Variants in GGCX observed in about 807,000 individuals in gnomAD.
The protein encoded by GGCX is gamma-glutamyl carboxylase, also known as vitamin K-dependent gamma-carboxylase.
A neutral mutation model predicts 88.5 loss-of-function variants in GGCX; 63 were observed. The observed-to-expected ratio is 0.71, with a 90% confidence interval of 0.58 to 0.88. GGCX has a LOEUF of 0.88. Ranked by LOEUF, GGCX falls within the 40% of genes least tolerant of loss-of-function variation. The probability of loss-of-function intolerance (pLI) is 0.00; values close to 1 mark genes in which losing one functional copy is unlikely to be tolerated. For missense variants in GGCX, 805 were observed against 932.9 expected, an observed-to-expected ratio of 0.86 and a Z score of 1.79; for synonymous variants, 368 against 365.8, an observed-to-expected ratio of 1.01 and a Z score of -0.07.
In GGCX at chr2:85,554,571, T is replaced by TC. The variant is rs1692124019; in HGVS notation, c.726-266dup. The TC allele has an allele frequency of 1.8e-5, 9 of 496,020 alleles. No homozygotes were observed. The South Asian group carries it at 1.9e-4, about 10-fold the overall frequency. 30.7% of individuals were successfully genotyped at this position (496,020 alleles called of 1,614,324 possible). A position where few individuals can be genotyped will look rare whatever the true frequency, so the allele number is the denominator to read the frequency against. Reference sequence around the variant, plus strand: ...GCCTCAAACTCCTGGGCTCAAGCAATCCTCCTGTCTCAGCCTCCGAAGTAG... The same window carrying TC: ...GCCTCAAACTCCTGGGCTCAAGCAATCCCTCCTGTCTCAGCCTCCGAAGTAG... On this transcript the variant is annotated intron_variant, in intron 6 of 14. Coordinates refer to ENST00000233838, the MANE Select transcript of GGCX (RefSeq NM_000821.7).
intron 3 of GGCX, 116 bp downstream of exon 3, chr2:85,558,801 T>C (rs1692314119): frequency 1.0e-6 from 1 of 994,322 alleles, no homozygotes; most frequent in Non-Finnish European, 1.6e-6. Flanking sequence ...GTCAACAGCA[T>C]GAAATTGATC....
chr2:85,551,956 C>A lies in GGCX; in HGVS notation c.1465G>T (p.Val489Leu), dbSNP rs375186088. The A allele has an allele frequency of 3.1e-6, 5 of 1,613,854 alleles. No homozygotes were observed. The highest frequency in any genetic ancestry group is 4.2e-6 in the Non-Finnish European group (5 of 1,179,882). ...TGAAAGGGTGACCAAGCGGCCTGCA[C>A]GATGTCCACACGAGGGTCAAAAATC... ...QRIFDPRVDI[V>L]QAAWSPFQRT... The change falls in exon 11 of 15, where the codon GTG (valine) becomes TTG (leucine). Residue 489 changes from valine (V) to leucine (L), a missense_variant. Transcript: ENST00000233838.
In GGCX at chr2:85,550,605, A is replaced by G. The variant is rs757625224; in HGVS notation, c.2034T>C (p.His678=). 4.3e-6 allele frequency: 7 copies of G among 1,614,124 alleles called. No individual in the cohort carries two copies. Among genetic ancestry groups the G allele is most frequent in the South Asian group, 1.1e-5 (1 of 91,078 alleles). The part of the protein sequence containing the change: ...EIERRRNTPF[H]ERFFRFLLRK... ...GCAACAAGAAGCGGAAGAATCGCTCATGGAAAGGAGTATTTCGCCGGCGTT... is the reference window on the plus strand; with the variant it reads ...GCAACAAGAAGCGGAAGAATCGCTCGTGGAAAGGAGTATTTCGCCGGCGTT... Residue 678 remains histidine, a synonymous_variant, in exon 14 of 15, where the codon CAT becomes CAC. Coordinates refer to ENST00000233838, the MANE Select transcript of GGCX (RefSeq NM_000821.7).
chr2:85,552,636 A>G (rs1185847792), intron 9 of GGCX, 69 bp from the exon 10 acceptor site: 6 of 1,423,098 alleles, frequency 4.2e-6, no homozygotes, highest in South Asian at 1.1e-5. Flanking sequence ...TGCACTGCCA[A>G]TGGCACAACG....
rs764321063 is a variant in GGCX at position 85,552,979 on chromosome 2, C to T, written c.1247G>A (p.Arg416His). ...GCCCAGTTCGCCAGTGCGGCCATCA[C>T]GGTAGGTGATCTTCACGTGCTGGTG... The part of the protein sequence containing the change: ...RSHQHVKITY[R>H]DGRTGELGYL... Residue 416 changes from arginine to histidine, a missense_variant, in exon 9 of 15, where the codon CGT becomes CAT. Transcript: ENST00000233838. The T allele has an allele frequency of 1.2e-5, 20 of 1,614,048 alleles. No homozygotes were observed. Among genetic ancestry groups the T allele is most frequent in the South Asian group, 5.5e-5 (5 of 91,084 alleles).
intron 1 of GGCX, 50 bp from the exon 2 acceptor site, chr2:85,561,035 C>A: frequency 6.7e-7 from 1 of 1,488,300 alleles, no homozygotes; most frequent in Non-Finnish European, 9.4e-7. Context: ...GGCTCCACCT[C>A]AAATCAAAGA....
chr2:85,553,826 C>T (rs1692087386), intron 7 of GGCX: 3 of 468,314 alleles, frequency 6.4e-6, no homozygotes, highest in East Asian at 8.7e-5. Context: ...GTCTCGAACT[C>T]CTGACCTCAG....
intron 6 of GGCX, 72 bp from the exon 7 acceptor site, chr2:85,554,378 T>C: frequency 7.0e-7 from 1 of 1,418,862 alleles, no homozygotes; most frequent in Non-Finnish European, 1.0e-6. Flanking sequence ...ACAGCACGAA[T>C]GTGCCTTGGC....
In GGCX at chr2:85,550,540, T is replaced by A; in HGVS notation, c.2084+15A>T. ...CAACATATGATGGCAATGACAAATATTGTTGTGAACTTACCTGCGGCGAAA... is the reference window on the plus strand; with the variant it reads ...CAACATATGATGGCAATGACAAATAATGTTGTGAACTTACCTGCGGCGAAA... On this transcript the variant is annotated intron_variant, in intron 14 of 14. Transcript: ENST00000233838. The A allele has an allele frequency of 6.3e-7, 1 of 1,597,822 alleles. No individual in the cohort carries two copies. Among genetic ancestry groups the A allele is most frequent in the Non-Finnish European group, 8.6e-7 (1 of 1,165,136 alleles).
In GGCX at chr2:85,544,941, T is replaced by C. The variant is rs896867660; in HGVS notation, c.*4993A>G. 3.3e-5 allele frequency: 5 copies of C among 152,544 alleles called. No homozygotes were observed. The South Asian group carries it at 1.0e-3, about 32-fold the overall frequency. 9.4% of individuals were successfully genotyped at this position (152,544 alleles called of 1,614,324 possible). On this transcript the variant is annotated 3_prime_UTR_variant, in exon 15 of 15. Coordinates refer to ENST00000233838, the MANE Select transcript of GGCX (RefSeq NM_000821.7). ...CTCAGATGGCAGCTTTTAAAAGATTTTTTTTTTTTCTCTCAACACCATGAT... is the reference window on the plus strand; with the variant it reads ...CTCAGATGGCAGCTTTTAAAAGATTCTTTTTTTTTCTCTCAACACCATGAT...
rs1573322472 is a variant in GGCX, at chr2:85,552,944, G to A, written c.1282C>T (p.Pro428Ser). 6.2e-7 allele frequency: 1 copy of A among 1,614,184 alleles called. No individual in the cohort carries two copies. The highest frequency in any genetic ancestry group is 8.5e-7 in the Non-Finnish European group (1 of 1,180,006). The change falls in exon 9 of 15, where the codon CCT (proline) becomes TCT (serine). Residue 428 changes from proline to serine, a missense_variant. By Grantham distance (74) the Pro-to-Ser change is moderately conservative. Around this residue, in one of 3 missense-constraint regions of GGCX, gnomAD observed 680 missense variants for 763.7 expected, o/e 0.89. Transcript: ENST00000233838. The part of the protein sequence containing the change: ...GRTGELGYLN[P>S]GVFTQSRRWK... ...GTCAGCATCAGACATCTCACCCCAG[G>A]GTTAAGGTAGCCCAGTTCGCCAGTG...
rs968089035 is a variant in GGCX, at chr2:85,546,540, C to T, written c.*3394G>A. 14 of 151,998 alleles carry T rather than the reference C, an allele frequency of 9.2e-5. No individual in the cohort carries two copies. The highest frequency in any genetic ancestry group is 8.8e-5 in the Non-Finnish European group (6 of 68,028). The allele number at this position is 151,998 out of a possible 1,614,324, so 9.4% of individuals were successfully genotyped here. On this transcript the variant is annotated 3_prime_UTR_variant, in exon 15 of 15. Transcript: ENST00000233838. Reference sequence around the variant, plus strand: ...ATACCAGCCTGGCAAACTGAAACCCCGTCTCTACCAAAAATACAAAAAAGC... The same window carrying T: ...ATACCAGCCTGGCAAACTGAAACCCTGTCTCTACCAAAAATACAAAAAAGC...
Position 85,552,579 on chromosome 2 carries a change from C to T in GGCX, c.1288-12G>A. The T allele has an allele frequency of 6.2e-7, 1 of 1,612,392 alleles. No individual in the cohort carries two copies. Among genetic ancestry groups the T allele is most frequent in the East Asian group, 2.2e-5 (1 of 44,870 alleles). Reference sequence around the variant, plus strand: ...CTCTGTGTAAATACCTGCCCCAAACCCCCATATTAGTCCCACCTCATCATT... The same window carrying T: ...CTCTGTGTAAATACCTGCCCCAAACTCCCATATTAGTCCCACCTCATCATT... On this transcript the variant is annotated splice_polypyrimidine_tract_variant and intron_variant, in intron 9 of 14. Transcript: ENST00000233838.
chr2:85,559,221 G>A (rs1692332513), intron 2 of GGCX, 146 bp from the exon 3 acceptor site: 2 of 742,720 alleles, frequency 2.7e-6, no homozygotes, highest in Non-Finnish European at 4.8e-6. Context: ...TAATTATTGA[G>A]TGCCTACTCT....
chr2:85,557,188 A>G (rs191794921), intron 4 of GGCX, among the ~76,000 whole-genome samples: 60 of 152,094 alleles, frequency 3.9e-4, no homozygotes, highest in Admixed American at 2.7e-3. Flanking sequence ...ATGAGGAAAA[A>G]CTCTAAATAT....
At chr2:85,552,252 C>T (rs1691993528) in intron 10 of GGCX, among the ~76,000 whole-genome samples, 164 bp downstream of exon 10, 1 of 152,112 alleles carries the variant, frequency 6.6e-6, no homozygotes, top group Admixed American at 6.5e-5. Flanking sequence ...ATGATGGTGC[C>T]CCCTGCTGGA....
In GGCX at chr2:85,558,562, A is replaced by G; in HGVS notation, c.417T>C (p.Cys139=). The change falls in exon 4 of 15, where the codon TGT becomes TGC. Residue 139 remains cysteine, a synonymous_variant. Transcript: ENST00000233838. ...ACCAGTATGGCAGCAGGAATAACAC[A>G]CAGCTTATCCGGTAGCACAGGCCCA... The part of the protein sequence containing the change: ...MMLGLCYRIS[C]VLFLLPYWYV... 6.2e-7 allele frequency: 1 copy of G among 1,613,562 alleles called. No homozygotes were observed. The highest frequency in any genetic ancestry group is 8.5e-7 in the Non-Finnish European group (1 of 1,179,516).
chr2:85,552,937 A>T lies in GGCX; in HGVS notation c.1287+2T>A, dbSNP rs1219337245. 3 of 1,612,840 alleles carry T rather than the reference A, an allele frequency of 1.9e-6. No individual in the cohort carries two copies. The African/African-American group carries it at 4.0e-5, about 22-fold the overall frequency. On this transcript the variant is annotated splice_donor_variant, in intron 9 of 14. Transcript: ENST00000233838. LOFTEE classifies it high-confidence loss of function. ...GTAAATTGTCAGCATCAGACATCTC[A>T]CCCCAGGGTTAAGGTAGCCCAGTTC...
Position 85,544,915 on chromosome 2 carries a change from C to T in GGCX, c.*5019G>A, listed in dbSNP as rs1194943870. 1 of 152,524 alleles carries T rather than the reference C, an allele frequency of 6.6e-6. No homozygotes were observed. The highest frequency in any genetic ancestry group is 1.5e-5 in the Non-Finnish European group (1 of 68,012). 9.4% of individuals were successfully genotyped at this position (152,524 alleles called of 1,614,324 possible). On this transcript the variant is annotated 3_prime_UTR_variant, in exon 15 of 15. Transcript: ENST00000233838. ...TGGCGTAAGTACAGAGAAGCCATCA[C>T]CTCAGATGGCAGCTTTTAAAAGATT...
Sources: gnomAD v4.1 joint callset for allele counts (sites outside exome capture counted in the v4.1 genomes callset) on GRCh38, gnomAD v4.1.1 for gene constraint, gnomAD v4.1.1 regional missense constraint, MANE v1.5 for transcripts, NCBI Gene and HGNC (gene_info 2026-07-23, HGNC 2026-07-21) for gene names.